Variants in CDH20 observed in about 807,000 individuals in gnomAD.
CDH20 encodes the protein cadherin 20.
In CDH20, 29 loss-of-function variants were observed where a neutral mutation model predicts 74.2. The ratio of observed to expected loss-of-function variants is 0.39; its 90% CI spans 0.29 to 0.53. The LOEUF (loss-of-function observed/expected upper bound fraction) is 0.53. CDH20 is among the 20% of genes least tolerant of loss of function. The pLI is 0.69. For missense variants in CDH20, 988 were observed against 1,048.3 expected, an observed-to-expected ratio of 0.94 and a Z score of 0.79; for synonymous variants, 469 against 405.4, an observed-to-expected ratio of 1.16 and a Z score of -1.88.
chr18:61,519,960 A>G (rs922568712), intron 6 of CDH20, among the ~76,000 whole-genome samples: 8 of 149,856 alleles, frequency 5.3e-5, no homozygotes, highest in Non-Finnish European at 1.0e-4. Context: ...AAAAAAAAAA[A>G]AAAAAAGTAG....
At chr18:61,478,707 A>T (rs1761061555) in intron 1 of CDH20, among the ~76,000 whole-genome samples, 1 of 152,196 alleles carries the variant, frequency 6.6e-6, no homozygotes. Context: ...AACTTAGTGA[A>T]GAAGTCTTTT....
chr18:61,425,851 T>C (rs1238832475), intron 1 of CDH20, among the ~76,000 whole-genome samples: 2 of 152,162 alleles, frequency 1.3e-5, no homozygotes, highest in Non-Finnish European at 2.9e-5. Context: ...ACTATTGAAA[T>C]ACATTTTTTA....
intron 1 of CDH20, among the ~76,000 whole-genome samples, chr18:61,450,347 A>G (rs867730007): frequency 6.6e-6 from 1 of 151,012 alleles, no homozygotes; most frequent in South Asian, 2.1e-4. Flanking sequence ...AATCAAGGTC[A>G]CACAGCCAGA....
intron 2 of CDH20, among the ~76,000 whole-genome samples, chr18:61,491,706 C>A (rs890198705): frequency 2.0e-5 from 3 of 152,066 alleles, no homozygotes; most frequent in Non-Finnish European, 4.4e-5. Flanking sequence ...ACTTCTTAAC[C>A]CAGGTATCTG....
intron 6 of CDH20, 78 bp downstream of exon 6, chr18:61,507,638 T>A: frequency 9.9e-7 from 1 of 1,012,318 alleles, no homozygotes; most frequent in Non-Finnish European, 1.4e-6. Flanking sequence ...ACTGTTGTAT[T>A]ATTGATATGC....
At chr18:61,368,433 G>A in intron 1 of CDH20, among the ~76,000 whole-genome samples, 1 of 119,770 alleles carries the variant, frequency 8.3e-6, no homozygotes, top group Non-Finnish European at 1.6e-5. Context: ...GGACTGCTGG[G>A]TCGGGGGTGG....
intron 1 of CDH20, among the ~76,000 whole-genome samples, chr18:61,412,559 AG>A (rs1386095946): frequency 2.6e-5 from 4 of 152,326 alleles, no homozygotes; most frequent in Admixed American, 1.3e-4. Context: ...CAAACAAAAA[AG>A]AATAGTCCAA....
chr18:61,467,934 A>G (rs1910023561), intron 1 of CDH20, among the ~76,000 whole-genome samples: 1 of 152,180 alleles, frequency 6.6e-6, no homozygotes. Flanking sequence ...CCTCACATAT[A>G]GTGACTTATG....
chr18:61,476,218 G>A lies in CDH20; in HGVS notation c.-152-14184G>A, dbSNP rs113085454. On this transcript the variant is annotated intron_variant, in intron 1 of 11. Coordinates refer to ENST00000262717, the MANE Select transcript of CDH20 (RefSeq NM_031891.4). ...TTCAAGAACAGCAGCATTCACACCA[G>A]AGCCTTGATTGCAACTGCCATCCCC... Among the ~76,000 whole-genome samples, 528 of 152,234 alleles carry A rather than the reference G, an allele frequency of 3.5e-3. 3 individuals are homozygous for A. The highest frequency in any genetic ancestry group is 0.012 in the African/African-American group (497 of 41,546).
chr18:61,361,673 T>C (rs181163077), intron 1 of CDH20, among the ~76,000 whole-genome samples: 5 of 152,326 alleles, frequency 3.3e-5, no homozygotes. Flanking sequence ...AGCTTAGCAA[T>C]ATTTATAGCA....
At chr18:61,334,814 G>C (rs550785737) in intron 1 of CDH20, among the ~76,000 whole-genome samples, 1 of 152,222 alleles carries the variant, frequency 6.6e-6, no homozygotes, top group East Asian at 1.9e-4. Flanking sequence ...TAGATTCAGA[G>C]TTTACTATGT....
At chr18:61,358,019 C>T (rs146126928) in intron 1 of CDH20, among the ~76,000 whole-genome samples, 10 of 152,206 alleles carry the variant, frequency 6.6e-5, no homozygotes, top group Non-Finnish European at 1.2e-4. Flanking sequence ...CTGCACAAAT[C>T]GTCAATTCCT....
At chr18:61,370,385 A>G (rs535171230) in intron 1 of CDH20, among the ~76,000 whole-genome samples, 14 of 152,256 alleles carry the variant, frequency 9.2e-5, no homozygotes, top group South Asian at 2.1e-4. Context: ...GAATATATCT[A>G]TGCTTTAGGT....
At chr18:61,339,681 A>AT (rs898945778) in intron 1 of CDH20, among the ~76,000 whole-genome samples, 6,900 of 88,358 alleles carry the variant, frequency 0.078, 483 homozygotes, top group African/African-American at 0.12. Flanking sequence ...GGTCATAGAA[A>AT]TTTTTTTTTT....
chr18:61,553,024 A>T (rs1483449350), intron 11 of CDH20, among the ~76,000 whole-genome samples: 1 of 152,226 alleles, frequency 6.6e-6, no homozygotes, highest in Non-Finnish European at 1.5e-5. Context: ...TTTCCTGTGT[A>T]TGTTTTGTCA....
At chr18:61,371,998 G>T (rs1911060066) in intron 1 of CDH20, among the ~76,000 whole-genome samples, 1 of 152,024 alleles carries the variant, frequency 6.6e-6, no homozygotes, top group Non-Finnish European at 1.5e-5. Context: ...GAGTTAAATT[G>T]CAAGTTGAAG....
chr18:61,538,616 T>G (rs1599155789), intron 8 of CDH20, among the ~76,000 whole-genome samples: 2 of 49,980 alleles, frequency 4.0e-5, no homozygotes, highest in East Asian at 1.1e-3. Flanking sequence ...TTGTTTTTGT[T>G]TTTGTTTTGT....
In CDH20 at chr18:61,527,963, T is replaced by G; in HGVS notation, c.1018-4T>G. 6.2e-7 allele frequency: 1 copy of G among 1,613,896 alleles called. No homozygotes were observed. Among genetic ancestry groups the G allele is most frequent in the Non-Finnish European group, 8.5e-7 (1 of 1,179,870 alleles). On this transcript the variant is annotated splice_polypyrimidine_tract_variant and splice_region_variant and intron_variant, in intron 6 of 11. Transcript: ENST00000262717. ...GAATCAATTTTCCTGTCATTGCTTT[T>G]CAGCCCCTGAGTTTTGAAAGCAAGA...
intron 6 of CDH20, among the ~76,000 whole-genome samples, chr18:61,514,783 C>G (rs1292983612): frequency 1.1e-4 from 17 of 152,128 alleles, no homozygotes; most frequent in Middle Eastern, 3.4e-3. Flanking sequence ...TGTGCCTCTG[C>G]TGGGGGGTGC....
Sources: gnomAD v4.1 joint callset for allele counts (sites outside exome capture counted in the v4.1 genomes callset) on GRCh38, gnomAD v4.1.1 for gene constraint, MANE v1.5 for transcripts, NCBI Gene and HGNC (gene_info 2026-07-23, HGNC 2026-07-21) for gene names.